Variants in GRID2 observed in about 807,000 individuals in gnomAD.
GRID2 encodes the protein glutamate ionotropic receptor delta type subunit 2, also known as glutamate receptor ionotropic, delta-2.
A neutral mutation model predicts 114.8 loss-of-function variants in GRID2; 33 were observed. The observed-to-expected ratio is 0.29, with a 90% confidence interval of 0.22 to 0.38. The LOEUF (loss-of-function observed/expected upper bound fraction) is 0.38. Ranked by LOEUF, GRID2 falls within the 10% of genes least tolerant of loss-of-function variation. GRID2 has a pLI of 1.00. For synonymous variants in GRID2, 505 were observed against 449.9 expected, an observed-to-expected ratio of 1.12 and a Z score of -1.55; for missense variants, 1,184 against 1,257.7, an observed-to-expected ratio of 0.94 and a Z score of 0.89.
intron 1 of GRID2, among the ~76,000 whole-genome samples, chr4:92,488,857 G>T (rs1482827049): frequency 6.6e-6 from 1 of 152,066 alleles, no homozygotes; most frequent in Non-Finnish European, 1.5e-5. Flanking sequence ...CTTCTTTGGG[G>T]AATAGACATG....
At chr4:92,689,168 G>A (rs904078668) in intron 2 of GRID2, among the ~76,000 whole-genome samples, 4 of 152,244 alleles carry the variant, frequency 2.6e-5, no homozygotes, top group African/African-American at 9.6e-5. Context: ...TCCATTTATA[G>A]GCAAAATAGA....
intron 11 of GRID2, among the ~76,000 whole-genome samples, chr4:93,460,623 T>G (rs548146560): frequency 2.0e-5 from 3 of 152,214 alleles, no homozygotes; most frequent in African/African-American, 7.2e-5. Context: ...GAATATAAGA[T>G]AGTGTACTAT....
intron 1 of GRID2, among the ~76,000 whole-genome samples, chr4:92,494,755 T>C (rs1723308672): frequency 6.6e-6 from 1 of 152,062 alleles, no homozygotes; most frequent in Admixed American, 6.6e-5. Flanking sequence ...ATTGTATCAG[T>C]AATATTTCTA....
At chr4:93,746,971 T>A (rs1367511119) in intron 14 of GRID2, among the ~76,000 whole-genome samples, 2 of 152,056 alleles carry the variant, frequency 1.3e-5, no homozygotes, top group African/African-American at 4.8e-5. Flanking sequence ...CTTGTCTTTT[T>A]GGTATGTATG....
intron 2 of GRID2, chr4:92,884,634 A>G (rs1188140965): frequency 6.3e-6 from 1 of 159,274 alleles, no homozygotes; most frequent in African/African-American, 2.4e-5. Context: ...TAATTTCAAT[A>G]TTGTTTTGCC....
At chr4:93,544,505 C>T (rs6827117) in intron 13 of GRID2, among the ~76,000 whole-genome samples, 46,980 of 151,884 alleles carry the variant, frequency 0.31, 7,924 homozygotes, top group African/African-American at 0.43. Flanking sequence ...ACACCAGGTA[C>T]GGTGGCTGAC....
chr4:92,676,223 C>G (rs1259087566), intron 2 of GRID2, among the ~76,000 whole-genome samples: 1 of 84,996 alleles, frequency 1.2e-5, no homozygotes, highest in Non-Finnish European at 2.2e-5. Flanking sequence ...CTCTGTCGCC[C>G]AGGCTGGAGT....
At chr4:93,351,351 C>T (rs1392962459) in intron 8 of GRID2, among the ~76,000 whole-genome samples, 1 of 151,938 alleles carries the variant, frequency 6.6e-6, no homozygotes, top group Non-Finnish European at 1.5e-5. Context: ...TTAGAAAATC[C>T]CAGCATCTGA....
chr4:92,434,493 C>T (rs761766002), intron 1 of GRID2, among the ~76,000 whole-genome samples: 1 of 152,086 alleles, frequency 6.6e-6, no homozygotes. Context: ...AGTCAGACCA[C>T]AGGACTTAAA....
At chr4:93,622,192 T>A (rs1273822759) in intron 13 of GRID2, among the ~76,000 whole-genome samples, 1 of 152,116 alleles carries the variant, frequency 6.6e-6, no homozygotes, top group East Asian at 1.9e-4. Context: ...GTTGCAAAGA[T>A]CAGAGAAAAG....
chr4:93,129,264 T>G (rs1400723871), intron 4 of GRID2, among the ~76,000 whole-genome samples: 1 of 152,180 alleles, frequency 6.6e-6, no homozygotes, highest in Non-Finnish European at 1.5e-5. Flanking sequence ...TTCTGAGACA[T>G]GTTTGTTGTT....
rs34559735 is a variant in GRID2 at position 92,794,874 on chromosome 4, TTATATATATATA to T, written c.244+204609_244+204620del. On this transcript the variant is annotated intron_variant, in intron 2 of 15. Coordinates refer to ENST00000282020, the MANE Select transcript of GRID2 (RefSeq NM_001510.4). ...CAGAGTCATTTAATAAATAATTGTT[TTATATATATATA>T]TATATATATATATATATATACACAC... 1.1e-3 allele frequency among the ~76,000 whole-genome samples: 119 copies of T among 106,034 alleles called. 1 individual carries two copies. The highest frequency in any genetic ancestry group is 3.0e-3 in the Admixed American group (31 of 10,246). 69.6% of individuals were successfully genotyped at this position (106,034 alleles called of 152,430 possible).
intron 7 of GRID2, among the ~76,000 whole-genome samples, chr4:93,225,431 G>C (rs902429538): frequency 6.6e-6 from 1 of 152,038 alleles, no homozygotes; most frequent in Admixed American, 6.6e-5. Flanking sequence ...CATCCTTCTT[G>C]ACATTTTCCA....
At chr4:92,589,988 C>G in intron 1 of GRID2, 143 bp from the exon 2 acceptor site, 1 of 601,924 alleles carries the variant, frequency 1.7e-6, no homozygotes, top group East Asian at 2.8e-5. Context: ...GCTTCCAGTA[C>G]AATGTGTTTC....
chr4:92,760,938 G>A (rs967351828), intron 2 of GRID2, among the ~76,000 whole-genome samples: 9 of 152,040 alleles, frequency 5.9e-5, no homozygotes, highest in African/African-American at 2.2e-4. Flanking sequence ...ACAGTAATAT[G>A]ATGTAATAGC....
At chr4:92,987,489 T>C (rs983661724) in intron 2 of GRID2, among the ~76,000 whole-genome samples, 1 of 152,092 alleles carries the variant, frequency 6.6e-6, no homozygotes, top group African/African-American at 2.4e-5. Flanking sequence ...ATATACCTAA[T>C]GTTAAATGAT....
rs530398176 is a variant in GRID2, at chr4:92,945,224, T to G, written c.245-139771T>G. On this transcript the variant is annotated intron_variant, in intron 2 of 15. Coordinates refer to ENST00000282020, the MANE Select transcript of GRID2 (RefSeq NM_001510.4). Reference sequence around the variant, plus strand: ...CTTTGAATATGTGAACCTCACTTTATTCTACTCTCTTGATTGATAGTTTAC... The same window carrying G: ...CTTTGAATATGTGAACCTCACTTTAGTCTACTCTCTTGATTGATAGTTTAC... Among the ~76,000 whole-genome samples the G allele has an allele frequency of 7.1e-4, 108 of 152,326 alleles. 1 individual carries two copies. The highest frequency in any genetic ancestry group is 3.4e-3 in the Middle Eastern group (1 of 294).
chr4:93,056,078 T>G (rs1417642867), intron 2 of GRID2, among the ~76,000 whole-genome samples: 2 of 151,978 alleles, frequency 1.3e-5, no homozygotes, highest in Non-Finnish European at 2.9e-5. Flanking sequence ...CAGTGACATC[T>G]TTATCTCTTA....
rs552529801 is a variant in GRID2 at position 93,414,435 on chromosome 4, C to T, written c.1348-8336C>T. Among the ~76,000 whole-genome samples, 3 of 152,204 alleles carry T rather than the reference C, an allele frequency of 2.0e-5. No individual in the cohort carries two copies. The South Asian group carries it at 6.2e-4, about 32-fold the overall frequency. Reference sequence around the variant, plus strand: ...AGTGAAGCTCTGCCCCATCCAAATACATTGCCTCTCAGATATTTCCTAATA... The same window carrying T: ...AGTGAAGCTCTGCCCCATCCAAATATATTGCCTCTCAGATATTTCCTAATA... On this transcript the variant is annotated intron_variant, in intron 9 of 15. Transcript: ENST00000282020.
Sources: gnomAD v4.1 joint callset for allele counts (sites outside exome capture counted in the v4.1 genomes callset) on GRCh38, gnomAD v4.1.1 for gene constraint, MANE v1.5 for transcripts, NCBI Gene and HGNC (gene_info 2026-07-23, HGNC 2026-07-21) for gene names.